Variants in SOBP observed in about 807,000 individuals in gnomAD.
SOBP encodes the protein sine oculis-binding protein homolog.
A neutral mutation model predicts 53.6 loss-of-function variants in SOBP; 4 were observed. The observed-to-expected ratio is 0.07, with a 90% CI of 0.04 to 0.17. The LOEUF is 0.17. Ranked by LOEUF, SOBP falls within the 10% of genes least tolerant of loss-of-function variation. The pLI is 1.00. For synonymous variants in SOBP, 584 were observed against 522.6 expected, an observed-to-expected ratio of 1.12 and a Z score of -1.60; for missense variants, 1,088 against 1,204.7, an observed-to-expected ratio of 0.90 and a Z score of 1.43.
chr6:107,592,238 C>T (rs7759084), intron 5 of SOBP, among the ~76,000 whole-genome samples: 36,064 of 151,874 alleles, frequency 0.24, 6,382 homozygotes, highest in African/African-American at 0.5. Flanking sequence ...TACTCTCAGG[C>T]CCCTGGTTCT....
chr6:107,558,549 T>A (rs1048813083), intron 4 of SOBP, among the ~76,000 whole-genome samples: 1 of 152,066 alleles, frequency 6.6e-6, no homozygotes, highest in African/African-American at 2.4e-5. Context: ...ATTACAGGTG[T>A]GAGCCACCGC....
chr6:107,496,996 C>G (rs1159929855), intron 1 of SOBP, among the ~76,000 whole-genome samples: 1 of 152,212 alleles, frequency 6.6e-6, no homozygotes, highest in Non-Finnish European at 1.5e-5. Context: ...GAGCTAGAAA[C>G]TGACTTCTAA....
chr6:107,542,873 C>T (rs1784190488), intron 4 of SOBP, among the ~76,000 whole-genome samples: 1 of 151,858 alleles, frequency 6.6e-6, no homozygotes, highest in Non-Finnish European at 1.5e-5. Flanking sequence ...GGGGCTTGTC[C>T]CCAACCCGGT....
chr6:107,553,293 T>C (rs940262027), intron 4 of SOBP, among the ~76,000 whole-genome samples: 3 of 140,566 alleles, frequency 2.1e-5, no homozygotes, highest in African/African-American at 8.0e-5. Flanking sequence ...ACGGGCTTAT[T>C]ATTATTTTAT....
intron 6 of SOBP, among the ~76,000 whole-genome samples, chr6:107,643,449 A>C (rs998913235): frequency 3.3e-5 from 5 of 151,678 alleles, no homozygotes; most frequent in African/African-American, 9.7e-5. Context: ...ATGGAGTTTC[A>C]CTCTGTTGCC....
chr6:107,559,972 G>C (rs1447638731), intron 4 of SOBP, among the ~76,000 whole-genome samples: 1 of 152,010 alleles, frequency 6.6e-6, no homozygotes, highest in Non-Finnish European at 1.5e-5. Flanking sequence ...CTTTATTCAG[G>C]GGGCAGCAGT....
chr6:107,633,711 C>T lies in SOBP; in HGVS notation c.867C>T (p.Gly289=). Residue 289 remains glycine, a synonymous_variant, in exon 6 of 7, where the codon GGC becomes GGT. Transcript: ENST00000317357. ...CTCCCATGGAAAATAAAGCAGAAGG[C>T]ACCGGGGTGCAGCTGCTCACTCCAG... ...LHPPMENKAE[G]TGVQLLTPDS... is the part of the protein sequence containing the mutation. 6.2e-7 allele frequency: 1 copy of T among 1,614,230 alleles called. No individual in the cohort carries two copies. Among genetic ancestry groups the T allele is most frequent in the African/African-American group, 1.3e-5 (1 of 75,052 alleles).
At chr6:107,560,045 A>G (rs1784730650) in intron 4 of SOBP, among the ~76,000 whole-genome samples, 1 of 152,192 alleles carries the variant, frequency 6.6e-6, no homozygotes. Context: ...AAGACAGAAA[A>G]TAACTAATTC....
intron 6 of SOBP, among the ~76,000 whole-genome samples, chr6:107,647,230 A>C (rs1441360445): frequency 6.6e-6 from 1 of 152,212 alleles, no homozygotes; most frequent in African/African-American, 2.4e-5. Context: ...CCAACAATGC[A>C]TGAGACTTAG....
At chr6:107,581,076 T>G (rs1161192745) in intron 4 of SOBP, among the ~76,000 whole-genome samples, 7 of 152,258 alleles carry the variant, frequency 4.6e-5, no homozygotes, top group Non-Finnish European at 8.8e-5. Flanking sequence ...GTCCAGGATC[T>G]GGACATTTGA....
chr6:107,595,598 A>G (rs180930850), intron 5 of SOBP, among the ~76,000 whole-genome samples: 1 of 152,304 alleles, frequency 6.6e-6, no homozygotes, highest in Non-Finnish European at 1.5e-5. Flanking sequence ...TACATCATAT[A>G]TCAAGCAAAA....
intron 5 of SOBP, among the ~76,000 whole-genome samples, chr6:107,633,002 G>A (rs571841101): frequency 2.0e-5 from 3 of 152,166 alleles, no homozygotes; most frequent in South Asian, 4.2e-4. Flanking sequence ...GATGTTCAGC[G>A]CTTTGTGTTA....
intron 1 of SOBP, among the ~76,000 whole-genome samples, chr6:107,499,475 A>T (rs1365818423): frequency 6.6e-6 from 1 of 152,230 alleles, no homozygotes; most frequent in Non-Finnish European, 1.5e-5. Flanking sequence ...AAATTGGACC[A>T]CATGGTTTGA....
chr6:107,496,527 C>T (rs922879455), intron 1 of SOBP, among the ~76,000 whole-genome samples: 1 of 152,206 alleles, frequency 6.6e-6, no homozygotes, highest in African/African-American at 2.4e-5. Flanking sequence ...CTTTTCCAGC[C>T]TGTTCCAAGT....
At position 107,532,127 on chromosome 6, in the gene SOBP, G is replaced by A. The variant is rs951521792; in HGVS notation, c.422-1332G>A. On this transcript the variant is annotated intron_variant, in intron 3 of 6. Coordinates refer to ENST00000317357, the MANE Select transcript of SOBP (RefSeq NM_018013.4). ...ATCCAGAAATCAGACAACACTATAC[G>A]AGTGCTTGTTGGGGATTTTATGATT... is the stretch of plus-strand genomic sequence containing the variant. Among the ~76,000 whole-genome samples, 6 of 151,866 alleles carry A rather than the reference G, an allele frequency of 4.0e-5. No homozygotes were observed. In the East Asian group the frequency reaches 9.6e-4, roughly 24 times the overall value.
At chr6:107,621,709 T>C (rs1770186631) in intron 5 of SOBP, among the ~76,000 whole-genome samples, 1 of 152,208 alleles carries the variant, frequency 6.6e-6, no homozygotes, top group Non-Finnish European at 1.5e-5. Flanking sequence ...CATAAGGGAT[T>C]CCATTGGTAA....
intron 5 of SOBP, among the ~76,000 whole-genome samples, chr6:107,587,648 A>G (rs906716399): frequency 2.6e-5 from 4 of 152,134 alleles, no homozygotes; most frequent in Admixed American, 1.3e-4. Context: ...TCTCTTGCCA[A>G]ACTTAATCGT....
intron 3 of SOBP, among the ~76,000 whole-genome samples, chr6:107,512,841 G>T (rs567046943): frequency 6.6e-6 from 1 of 152,272 alleles, no homozygotes; most frequent in Admixed American, 6.5e-5. Flanking sequence ...AGAAAACCGT[G>T]TGTACCTAGA....
In SOBP at chr6:107,634,323, G is replaced by A. The variant is rs764575517; in HGVS notation, c.1479G>A (p.Val493=). The change falls in exon 6 of 7, where the codon GTG becomes GTA. Residue 493 remains valine, a synonymous_variant. Transcript: ENST00000317357. This position sits in a 1 kb window ranked among gnomAD's most constrained non-coding sequence, Gnocchi z 4.5. ...TGCCGAGTCTTCCCTTCCCGCCAGT[G>A]AGCATGATGCCAAATGGCCCGATGC... ...APLPSLPFPP[V]SMMPNGPMPV... is the part of the protein sequence containing the mutation. The A allele has an allele frequency of 3.2e-6, 5 of 1,583,010 alleles. No individual in the cohort carries two copies. In the Admixed American group the frequency reaches 6.9e-5, roughly 22 times the overall value.
Sources: allele counts gnomAD v4.1 joint callset (sites outside exome capture counted in the v4.1 genomes callset), GRCh38; gene constraint gnomAD v4.1.1; non-coding constraint Gnocchi (gnomAD v3.1); transcripts MANE v1.5; gene names NCBI Gene and HGNC (gene_info 2026-07-23, HGNC 2026-07-21).